The following PLD1 variants were observed in gnomAD, a reference collection of about 807,000 sequenced individuals.
PLD1 encodes phospholipase D1, also known as choline phosphatase 1.
A neutral mutation model predicts 137.1 loss-of-function variants in PLD1; 112 were observed. That is an observed-to-expected ratio of 0.82 (90% confidence interval 0.70 to 0.96). The LOEUF (loss-of-function observed/expected upper bound fraction) is 0.96, where lower values mean the gene tolerates loss of function less well. PLD1 is among the 40% of genes least tolerant of loss of function. The pLI, the probability that PLD1 is intolerant of heterozygous loss-of-function variation, is 0.00. For synonymous variants in PLD1, 431 were observed against 454.7 expected (o/e 0.95, Z 0.66); for missense variants, 1,321 against 1,342.0 (o/e 0.98, Z 0.24).
intron 1 of PLD1, among the ~76,000 whole-genome samples, chr3:171,782,731 T>A (rs147582379): frequency 6.6e-6 from 1 of 152,314 alleles, no homozygotes; most frequent in African/African-American, 2.4e-5. Context: ...ACTGACAACT[T>A]ATCAGAGTTT....
At chr3:171,731,362 T>G (rs114143427) in intron 6 of PLD1, among the ~76,000 whole-genome samples, 1,741 of 152,306 alleles carry the variant, frequency 0.011, 34 homozygotes, top group African/African-American at 0.04. Flanking sequence ...ACAGATCTAG[T>G]CTTTAGGCCA....
chr3:171,804,268 C>T (rs556767045), intron 1 of PLD1, among the ~76,000 whole-genome samples: 93 of 152,290 alleles, frequency 6.1e-4, no homozygotes, highest in African/African-American at 2.2e-3. Flanking sequence ...AGAAAAAGAT[C>T]AATGAAGTGA....
intron 19 of PLD1, chr3:171,666,448 C>CATGG (rs1444245718): frequency 1.3e-5 from 2 of 152,276 alleles, no homozygotes; most frequent in African/African-American, 4.8e-5. Flanking sequence ...GATTCAGTTA[C>CATGG]CTCCCACTGG....
intron 23 of PLD1, among the ~76,000 whole-genome samples, chr3:171,640,488 T>C (rs1274744888): frequency 6.6e-6 from 1 of 152,214 alleles, no homozygotes; most frequent in Non-Finnish European, 1.5e-5. Context: ...TTTCCTTTTG[T>C]TATTTATAAT....
intron 20 of PLD1, 84 bp downstream of exon 20, chr3:171,661,976 T>A: frequency 1.4e-6 from 1 of 696,764 alleles, no homozygotes; most frequent in East Asian, 2.5e-5. Flanking sequence ...ATATGAGGGG[T>A]CCTAAGTTTG....
At chr3:171,808,872 TGGC>T (rs1264456273) in intron 1 of PLD1, among the ~76,000 whole-genome samples, 7 of 136,566 alleles carry the variant, frequency 5.1e-5, no homozygotes, top group Non-Finnish European at 7.7e-5. Context: ...TCGCCCAGGC[TGGC>T]GTGCAATGGC....
At chr3:171,752,473 T>C (rs1440184459) in intron 1 of PLD1, among the ~76,000 whole-genome samples, 1 of 152,244 alleles carries the variant, frequency 6.6e-6, no homozygotes, top group Non-Finnish European at 1.5e-5. Flanking sequence ...CTGTAAGCTC[T>C]TTGAGAACTC....
At chr3:171,700,941 C>A (rs1326270005) in intron 11 of PLD1, among the ~76,000 whole-genome samples, 1 of 152,176 alleles carries the variant, frequency 6.6e-6, no homozygotes, top group Non-Finnish European at 1.5e-5. Flanking sequence ...AGAAAATACT[C>A]CTTTCTCCAC....
chr3:171,792,816 C>A (rs1218494627), intron 1 of PLD1: 1 of 423,592 alleles, frequency 2.4e-6, no homozygotes, highest in Non-Finnish European at 4.8e-6. Context: ...CATGTGACTC[C>A]TTTTGGCATA....
chr3:171,616,679 G>A (rs1733137687), intron 24 of PLD1, among the ~76,000 whole-genome samples: 2 of 152,126 alleles, frequency 1.3e-5, no homozygotes, highest in Non-Finnish European at 2.9e-5. Context: ...GTGAGCCAAG[G>A]AATGCAGGCA....
chr3:171,715,465 GT>G (rs1470008005), intron 8 of PLD1, among the ~76,000 whole-genome samples: 1 of 152,074 alleles, frequency 6.6e-6, no homozygotes, highest in African/African-American at 2.4e-5. Context: ...GTCTTTTGTT[GT>G]TTTATGTGAA....
intron 21 of PLD1, among the ~76,000 whole-genome samples, chr3:171,645,883 CAAAAAAAAA>C: frequency 1.7e-5 from 1 of 59,212 alleles, no homozygotes; most frequent in East Asian, 5.8e-4. Context: ...GACTCCATCT[CAAAAAAAAA>C]AAAAAAAAAA....
At chr3:171,608,213 T>C (rs929391868) in intron 25 of PLD1, among the ~76,000 whole-genome samples, 1 of 152,160 alleles carries the variant, frequency 6.6e-6, no homozygotes, top group Non-Finnish European at 1.5e-5. Context: ...AATTATTTAC[T>C]GTAGAATAAT....
intron 13 of PLD1, 107 bp from the exon 14 acceptor site, chr3:171,688,983 A>G: frequency 4.0e-6 from 3 of 754,892 alleles, no homozygotes; most frequent in Non-Finnish European, 4.6e-6. Context: ...TAATTCAAAT[A>G]CCAAACTGTA....
chr3:171,648,910 T>A (rs113712499), intron 21 of PLD1, among the ~76,000 whole-genome samples: 2,213 of 152,322 alleles, frequency 0.015, 47 homozygotes, highest in African/African-American at 0.045. Flanking sequence ...CATCTATACT[T>A]TAATATTTAA....
At chr3:171,726,394 C>T (rs1275410339) in intron 6 of PLD1, among the ~76,000 whole-genome samples, 7 of 151,952 alleles carry the variant, frequency 4.6e-5, no homozygotes, top group African/African-American at 1.7e-4. Context: ...TTTTGTTGCA[C>T]GGGATGGATA....
intron 1 of PLD1, among the ~76,000 whole-genome samples, chr3:171,766,828 T>G (rs1722008120): frequency 6.6e-6 from 1 of 152,226 alleles, no homozygotes; most frequent in Non-Finnish European, 1.5e-5. Flanking sequence ...TTTCTTTCTT[T>G]TAAGTTAGCT....
At chr3:171,794,762 C>G (rs1348238253) in intron 1 of PLD1, among the ~76,000 whole-genome samples, 3 of 151,930 alleles carry the variant, frequency 2.0e-5, no homozygotes, top group African/African-American at 7.3e-5. Context: ...ACCTTTGCTG[C>G]TTCACTTTCA....
chr3:171,602,983 C>G lies in PLD1; in HGVS notation c.*95G>C, dbSNP rs559643066. Reference sequence around the variant, plus strand: ...GGTCCTTGGGTTGGATACGAGAATGCGTCAGGCCTGGCTTTGGCTATGACA... The same window carrying G: ...GGTCCTTGGGTTGGATACGAGAATGGGTCAGGCCTGGCTTTGGCTATGACA... On this transcript the variant is annotated 3_prime_UTR_variant, in exon 27 of 27. Transcript: ENST00000351298. The G allele has an allele frequency of 1.2e-6, 1 of 854,252 alleles. No individual in the cohort carries two copies. Among genetic ancestry groups the G allele is most frequent in the African/African-American group, 1.7e-5 (1 of 60,188 alleles). The allele number at this position is 854,252 out of a possible 1,614,324, so 52.9% of individuals were successfully genotyped here.
Sources: allele counts gnomAD v4.1 joint callset (sites outside exome capture counted in the v4.1 genomes callset), GRCh38; gene constraint gnomAD v4.1.1; transcripts MANE v1.5; gene names NCBI Gene and HGNC (gene_info 2026-07-23, HGNC 2026-07-21).